MLLT3: variants seen among roughly 807,000 people sequenced by gnomAD.
MLLT3 encodes MLLT3 super elongation complex subunit.
MLLT3 carries 4 observed loss-of-function variants against 53.2 expected under a neutral mutation model. The observed-to-expected ratio is 0.08, with a 90% CI of 0.04 to 0.17. The LOEUF (loss-of-function observed/expected upper bound fraction) is 0.17, where lower values mean the gene tolerates loss of function less well. Ranked by LOEUF, MLLT3 falls within the 10% of genes least tolerant of loss-of-function variation. The pLI is 1.00. For synonymous variants in MLLT3, 283 were observed against 230.6 expected, an observed-to-expected ratio of 1.23 and a Z score of -2.06; for missense variants, 569 against 684.0, an observed-to-expected ratio of 0.83 and a Z score of 1.87.
intron 2 of MLLT3, among the ~76,000 whole-genome samples, chr9:20,502,050 C>A (rs1308020205): frequency 5.0e-5 from 7 of 139,792 alleles, no homozygotes; most frequent in Middle Eastern, 4.0e-3. Context: ...CATTGCACTC[C>A]AGCCTGGGCA....
At chr9:20,545,853 T>C (rs1280205410) in intron 2 of MLLT3, among the ~76,000 whole-genome samples, 2 of 69,784 alleles carry the variant, frequency 2.9e-5, no homozygotes, top group East Asian at 4.0e-4. Flanking sequence ...ACCCAGTCTC[T>C]ACCAAAAAAA....
intron 5 of MLLT3, among the ~76,000 whole-genome samples, chr9:20,384,278 C>T (rs555602124): frequency 5.3e-5 from 8 of 152,026 alleles, no homozygotes; most frequent in African/African-American, 1.7e-4. Flanking sequence ...CAGAGGTGGG[C>T]CAAAACCTCA....
Position 20,342,597 on chromosome 9 carries a change from T to C in MLLT3, c.*3846A>G. Reference sequence around the variant, plus strand: ...AGACAGCGGTGGCTTTGTCTTCCTTTTAAATTGACTTCTTCACTGCATCTT... The same window carrying C: ...AGACAGCGGTGGCTTTGTCTTCCTTCTAAATTGACTTCTTCACTGCATCTT... On this transcript the variant is annotated 3_prime_UTR_variant, in exon 11 of 11. Transcript: ENST00000380338. 4.6e-6 allele frequency: 1 copy of C among 217,678 alleles called. No homozygotes were observed. The highest frequency in any genetic ancestry group is 9.2e-6 in the Non-Finnish European group (1 of 108,326). 13.5% of individuals were successfully genotyped at this position (217,678 alleles called of 1,614,324 possible). A position where few individuals can be genotyped will look rare whatever the true frequency, so the allele number is the denominator to read the frequency against.
At position 20,551,447 on chromosome 9, in the gene MLLT3, T is replaced by A. The variant is rs1381638550; in HGVS notation, c.193+69207A>T. ...GGTAAATTATTACATGGACCTGCTT[T>A]CCCTGGGAAAAGTCCAGAAGCATAT... On this transcript the variant is annotated intron_variant, in intron 2 of 10. Transcript: ENST00000380338. Among the ~76,000 whole-genome samples, 9 of 152,312 alleles carry A rather than the reference T, an allele frequency of 5.9e-5. No individual in the cohort carries two copies. In the South Asian group the frequency reaches 1.5e-3, roughly 25 times the overall value.
intron 2 of MLLT3, among the ~76,000 whole-genome samples, chr9:20,484,196 C>T (rs1047211580): frequency 6.6e-6 from 1 of 152,108 alleles, no homozygotes; most frequent in Non-Finnish European, 1.5e-5. Context: ...GCAATCCAGT[C>T]AAGCCGGTAA....
chr9:20,619,926 C>CT (rs1158188380), intron 2 of MLLT3, among the ~76,000 whole-genome samples: 1 of 152,114 alleles, frequency 6.6e-6, no homozygotes, highest in Non-Finnish European at 1.5e-5. Flanking sequence ...TAGCTTCGAC[C>CT]TTTGCAAGAA....
chr9:20,430,201 A>C (rs1823231200), intron 4 of MLLT3, among the ~76,000 whole-genome samples: 1 of 152,190 alleles, frequency 6.6e-6, no homozygotes, highest in Non-Finnish European at 1.5e-5. Flanking sequence ...AATAACATTT[A>C]AATAAACTCA....
intron 2 of MLLT3, among the ~76,000 whole-genome samples, chr9:20,594,591 C>T (rs1001042860): frequency 6.6e-6 from 1 of 152,068 alleles, no homozygotes; most frequent in Non-Finnish European, 1.5e-5. Context: ...TTAAGGCAGT[C>T]TTAGTCACAG....
chr9:20,464,330 C>T (rs1057472607), intron 2 of MLLT3, among the ~76,000 whole-genome samples: 4 of 152,098 alleles, frequency 2.6e-5, no homozygotes, highest in African/African-American at 4.8e-5. Context: ...ACGAGTCCTG[C>T]TCAGTCTAAC....
chr9:20,621,902 C>CATGTGT lies in MLLT3; in HGVS notation c.12+342_12+343insACACAT. The CATGTGT allele has an allele frequency of 1.2e-5, 15 of 1,232,578 alleles. No homozygotes were observed. The highest frequency in any genetic ancestry group is 1.0e-5 in the Non-Finnish European group (10 of 958,282). 76.4% of individuals were successfully genotyped at this position (1,232,578 alleles called of 1,614,324 possible). A position where few individuals can be genotyped will look rare whatever the true frequency, so the allele number is the denominator to read the frequency against. ...TGAGTTATTATTCGCCTCCTTCCAC[C>CATGTGT]GTGTGTGTGTGTGTGTGTGAGTGCG... is the stretch of plus-strand genomic sequence containing the variant. On this transcript the variant is annotated intron_variant, in intron 1 of 10. Transcript: ENST00000380338. The surrounding 1 kb of genome is among the most constrained non-coding windows in gnomAD (Gnocchi z 7.0).
intron 2 of MLLT3, among the ~76,000 whole-genome samples, chr9:20,558,373 T>TCTGC (rs1425425383): frequency 1.3e-5 from 2 of 152,146 alleles, no homozygotes; most frequent in African/African-American, 2.4e-5. Context: ...CCTCAAGTGA[T>TCTGC]CTGCCTGCCT....
chr9:20,464,967 G>C (rs1450510526), intron 2 of MLLT3, among the ~76,000 whole-genome samples: 1 of 151,888 alleles, frequency 6.6e-6, no homozygotes, highest in African/African-American at 2.4e-5. Context: ...ACCCCCAAGA[G>C]CTTATAATGA....
At position 20,343,572 on chromosome 9, in the gene MLLT3, T is replaced by C. The variant is rs973329938; in HGVS notation, c.*2871A>G. On this transcript the variant is annotated 3_prime_UTR_variant, in exon 11 of 11. Coordinates refer to ENST00000380338, the MANE Select transcript of MLLT3 (RefSeq NM_004529.4). Reference sequence around the variant, plus strand: ...CTGCTGCAAAACCAGAGGCAAAAGCTAAGTTATAAGGGGGCAGAGGGGCAG... The same window carrying C: ...CTGCTGCAAAACCAGAGGCAAAAGCCAAGTTATAAGGGGGCAGAGGGGCAG... 1.3e-5 allele frequency: 3 copies of C among 229,592 alleles called. No homozygotes were observed. Among genetic ancestry groups the C allele is most frequent in the Admixed American group, 5.7e-5 (1 of 17,632 alleles). 14.2% of individuals were successfully genotyped at this position (229,592 alleles called of 1,614,324 possible). A position where few individuals can be genotyped will look rare whatever the true frequency, so the allele number is the denominator to read the frequency against.
intron 2 of MLLT3, among the ~76,000 whole-genome samples, chr9:20,558,797 G>C (rs554762968): frequency 3.9e-5 from 6 of 152,312 alleles, no homozygotes; most frequent in African/African-American, 1.4e-4. Flanking sequence ...TGCCCACTAT[G>C]AGAAACTGTT....
chr9:20,558,463 A>C (rs1819118986), intron 2 of MLLT3, among the ~76,000 whole-genome samples: 2 of 152,056 alleles, frequency 1.3e-5, no homozygotes, highest in South Asian at 4.1e-4. Context: ...TCCAACCCGA[A>C]CTGCAATATA....
intron 2 of MLLT3, among the ~76,000 whole-genome samples, chr9:20,492,221 T>C (rs1051644963): frequency 2.6e-5 from 4 of 152,022 alleles, no homozygotes; most frequent in African/African-American, 9.7e-5. Flanking sequence ...CTAAAGTAAA[T>C]TGCATATATC....
At chr9:20,570,456 G>A (rs1193742740) in intron 2 of MLLT3, among the ~76,000 whole-genome samples, 1 of 152,108 alleles carries the variant, frequency 6.6e-6, no homozygotes, top group Non-Finnish European at 1.5e-5. Context: ...AACAAACATG[G>A]AAATTATTTC....
intron 2 of MLLT3, among the ~76,000 whole-genome samples, chr9:20,559,102 T>C (rs1330082077): frequency 1.3e-5 from 2 of 152,216 alleles, no homozygotes; most frequent in Non-Finnish European, 2.9e-5. Flanking sequence ...TCATGGGATA[T>C]GGTCTCTCGG....
At position 20,620,513 on chromosome 9, in the gene MLLT3, C is replaced by A; in HGVS notation, c.193+141G>T. 1 of 489,672 alleles carries A rather than the reference C, an allele frequency of 2.0e-6. No homozygotes were observed. The highest frequency in any genetic ancestry group is 8.7e-5 in the South Asian group (1 of 11,556). The allele number at this position is 489,672 out of a possible 1,614,324, so 30.3% of individuals were successfully genotyped here. On this transcript the variant is annotated intron_variant, in intron 2 of 10. Transcript: ENST00000380338. This position sits in a 1 kb window ranked among gnomAD's most constrained non-coding sequence, Gnocchi z 6.1. ...CAGGCGGGAGCCGGGACCTGGCCCG[C>A]GCGGCGCCGCGCACCCGGATCCCGA...
Sources: allele counts gnomAD v4.1 joint callset (sites outside exome capture counted in the v4.1 genomes callset), GRCh38; gene constraint gnomAD v4.1.1; non-coding constraint Gnocchi (gnomAD v3.1); transcripts MANE v1.5; gene names NCBI Gene and HGNC (gene_info 2026-07-23, HGNC 2026-07-21).